The following TNIK variants were observed in gnomAD, a reference collection of about 807,000 sequenced individuals.
The protein encoded by TNIK is TRAF2 and NCK-interacting protein kinase.
In TNIK, 49 loss-of-function variants were observed where a neutral mutation model predicts 191.3. The ratio of observed to expected loss-of-function variants is 0.26; its 90% confidence interval spans 0.20 to 0.32. TNIK has a LOEUF of 0.32. Ranked by LOEUF, TNIK falls within the 10% of genes least tolerant of loss-of-function variation. The probability of loss-of-function intolerance (pLI) is 1.00; values close to 1 mark genes in which losing one functional copy is unlikely to be tolerated. For synonymous variants in TNIK, 594 were observed against 600.9 expected (o/e 0.99, Z 0.17); for missense variants, 1,155 against 1,702.3 (o/e 0.68, Z 5.66).
chr3:171,458,941 C>T (rs1224474969), intron 1 of TNIK, among the ~76,000 whole-genome samples: 1 of 152,202 alleles, frequency 6.6e-6, no homozygotes, highest in Non-Finnish European at 1.5e-5. Flanking sequence ...CCCTTCCAGG[C>T]AGGCAGCATC....
chr3:171,083,327 G>C lies in TNIK; in HGVS notation c.3169+828C>G, dbSNP rs115118732. 1.5e-3 allele frequency among the ~76,000 whole-genome samples: 222 copies of C among 152,170 alleles called. 1 individual carries two copies. The highest frequency in any genetic ancestry group is 5.3e-3 in the African/African-American group (220 of 41,512). On this transcript the variant is annotated intron_variant, in intron 26 of 32. Coordinates refer to ENST00000436636, the MANE Select transcript of TNIK (RefSeq NM_015028.4). ...GTTCTCTTCTGTCTCTTCTCCAGAG[G>C]ACAGAGCCTCTATCATGAAATGGTT...
At chr3:171,448,054 A>G (rs1427200839) in intron 1 of TNIK, among the ~76,000 whole-genome samples, 2 of 152,242 alleles carry the variant, frequency 1.3e-5, no homozygotes, top group African/African-American at 4.8e-5. Flanking sequence ...CTACTTTAAA[A>G]TAATATGGGG....
At chr3:171,138,713 A>C (rs577214923) in intron 14 of TNIK, among the ~76,000 whole-genome samples, 51 of 152,308 alleles carry the variant, frequency 3.3e-4, no homozygotes, top group African/African-American at 1.2e-3. Flanking sequence ...GTCGGCATAC[A>C]ACTCCTAGAA....
chr3:171,136,569 G>T (rs1274682045), intron 15 of TNIK, among the ~76,000 whole-genome samples: 1 of 152,178 alleles, frequency 6.6e-6, no homozygotes, highest in Non-Finnish European at 1.5e-5. Context: ...TCTCCCATGG[G>T]TGATGCTCAA....
At chr3:171,341,213 C>T (rs934445418) in intron 2 of TNIK, among the ~76,000 whole-genome samples, 2 of 152,102 alleles carry the variant, frequency 1.3e-5, no homozygotes, top group African/African-American at 4.8e-5. Context: ...TGACTCATGC[C>T]TATAATCCCA....
chr3:171,411,312 T>A (rs1378185915), intron 1 of TNIK, among the ~76,000 whole-genome samples: 2 of 152,126 alleles, frequency 1.3e-5, no homozygotes, highest in South Asian at 4.1e-4. Context: ...ATAATCTTAA[T>A]GTTGGGAGAT....
At chr3:171,263,497 A>G (rs900043472) in intron 2 of TNIK, among the ~76,000 whole-genome samples, 1 of 152,184 alleles carries the variant, frequency 6.6e-6, no homozygotes, top group East Asian at 1.9e-4. Context: ...AATTTCAATG[A>G]TGTTGCCTTT....
chr3:171,209,307 G>T (rs1164839228), intron 4 of TNIK, among the ~76,000 whole-genome samples: 1 of 151,798 alleles, frequency 6.6e-6, no homozygotes, highest in African/African-American at 2.4e-5. Flanking sequence ...TTTTTTGGTT[G>T]TAACCATTTC....
At chr3:171,367,760 G>A (rs879555858) in intron 2 of TNIK, among the ~76,000 whole-genome samples, 6 of 151,994 alleles carry the variant, frequency 3.9e-5, no homozygotes, top group Admixed American at 6.6e-5. Context: ...GTGAGCCACC[G>A]CACCTGGCCA....
chr3:171,097,153 G>A (rs925949450), intron 22 of TNIK, among the ~76,000 whole-genome samples: 1 of 152,164 alleles, frequency 6.6e-6, no homozygotes, highest in Admixed American at 6.5e-5. Context: ...GAGATCAGAA[G>A]CTCCCAGGAA....
chr3:171,416,777 A>G (rs1723142057), intron 1 of TNIK, among the ~76,000 whole-genome samples: 1 of 152,214 alleles, frequency 6.6e-6, no homozygotes, highest in South Asian at 2.1e-4. Context: ...CTTATTTACA[A>G]GATGATTATG....
chr3:171,321,943 G>A (rs1755207489), intron 2 of TNIK, among the ~76,000 whole-genome samples: 1 of 152,106 alleles, frequency 6.6e-6, no homozygotes, highest in Admixed American at 6.6e-5. Context: ...AAACACATTG[G>A]TATCAGGGGA....
chr3:171,138,512 A>T lies in TNIK; in HGVS notation c.1420-133T>A. 3 of 806,948 alleles carry T rather than the reference A, an allele frequency of 3.7e-6. No individual in the cohort carries two copies. The Admixed American group carries it at 1.1e-4, about 29-fold the overall frequency. The allele number at this position is 806,948 out of a possible 1,614,324, so 50.0% of individuals were successfully genotyped here. On this transcript the variant is annotated intron_variant, in intron 14 of 32. Transcript: ENST00000436636. ...AAAGGATCTTAATACCAACAGAATG[A>T]CAGAAGGATGTCAGGATGTGCCACA...
chr3:171,299,912 A>C (rs964272055), intron 2 of TNIK, among the ~76,000 whole-genome samples: 1 of 152,256 alleles, frequency 6.6e-6, no homozygotes, highest in African/African-American at 2.4e-5. Flanking sequence ...TACTTCTGCT[A>C]TTCCAGGGAA....
intron 28 of TNIK, among the ~76,000 whole-genome samples, chr3:171,072,938 A>G (rs184685439): frequency 1.3e-5 from 2 of 152,310 alleles, no homozygotes; most frequent in African/African-American, 4.8e-5. Context: ...AATGAATGGA[A>G]AAACATCCCG....
rs1733950478 is a variant in TNIK, at chr3:171,161,276, T to G, written c.1010A>C (p.Glu337Ala). ...TTGGCTTTTGCTCTCATACCTGGGCTCTCCTGAGTCATTCTCCTCCTCTTC... is the reference window on the plus strand; with the variant it reads ...TTGGCTTTTGCTCTCATACCTGGGCGCTCCTGAGTCATTCTCCTCCTCTTC... ...EEEEEENDSG[E>A]PSSILNLPGE... Residue 337 changes from glutamate (E) to alanine (A), a missense_variant, in exon 11 of 33, where the codon GAG (glutamate) becomes GCG (alanine). Physicochemically the swap from Glu to Ala is moderately radical, Grantham distance 107. Around this residue, in one of 3 missense-constraint regions of TNIK, gnomAD observed 225 missense variants for 438.9 expected, o/e 0.51. Coordinates refer to ENST00000436636, the MANE Select transcript of TNIK (RefSeq NM_015028.4). The G allele has an allele frequency of 1.2e-6, 2 of 1,613,046 alleles. No homozygotes were observed. Among genetic ancestry groups the G allele is most frequent in the Admixed American group, 1.7e-5 (1 of 59,990 alleles).
intron 3 of TNIK, among the ~76,000 whole-genome samples, chr3:171,220,937 T>A (rs1301047249): frequency 6.6e-6 from 1 of 152,096 alleles, no homozygotes; most frequent in African/African-American, 2.4e-5. Context: ...ATCCAGGCCA[T>A]ACACACAGCA....
chr3:171,354,474 C>T (rs1180763885), intron 2 of TNIK, among the ~76,000 whole-genome samples: 1 of 152,156 alleles, frequency 6.6e-6, no homozygotes, highest in Non-Finnish European at 1.5e-5. Flanking sequence ...TCGGCTGACA[C>T]AAGACTAAAG....
chr3:171,370,684 G>A (rs1441020312), intron 1 of TNIK, among the ~76,000 whole-genome samples: 2 of 152,112 alleles, frequency 1.3e-5, no homozygotes, highest in African/African-American at 4.8e-5. Flanking sequence ...AGGGAGGTAG[G>A]GTATGGTATG....
Sources: gnomAD v4.1 joint callset for allele counts (sites outside exome capture counted in the v4.1 genomes callset) on GRCh38, gnomAD v4.1.1 for gene constraint, gnomAD v4.1.1 regional missense constraint, MANE v1.5 for transcripts, NCBI Gene and HGNC (gene_info 2026-07-23, HGNC 2026-07-21) for gene names.